STAT1: variants seen among roughly 807,000 people sequenced by gnomAD.
STAT1 encodes the protein signal transducer and activator of transcription 1-alpha/beta.
In STAT1, 24 loss-of-function variants were observed where a neutral mutation model predicts 111.7. That is an observed-to-expected ratio of 0.21 (90% confidence interval 0.16 to 0.30). STAT1 has a LOEUF of 0.30. Among genes scored for constraint, STAT1 ranks in the 10% least tolerant of loss-of-function variants. STAT1 has a pLI of 1.00. For missense variants in STAT1, 351 were observed against 911.9 expected, an observed-to-expected ratio of 0.38 and a Z score of 7.92; for synonymous variants, 332 against 326.5, an observed-to-expected ratio of 1.02 and a Z score of -0.18.
Position 190,974,902 on chromosome 2 carries a change from G to A in STAT1, c.2166C>T (p.Asn722=). The A allele has an allele frequency of 5.6e-6, 9 of 1,614,194 alleles. No individual in the cohort carries two copies. Among genetic ancestry groups the A allele is most frequent in the Non-Finnish European group, 7.6e-6 (9 of 1,180,006 alleles). ...VHPSRLQTTD[N]LLPMSPEEFD... ...ACTCCTCAGGAGACATGGGGAGCAG[G>A]TTGTCTGTGGTCTGAAGTCTAGAAG... The change falls in exon 24 of 25, where the codon AAC becomes AAT. Residue 722 remains asparagine (N), a synonymous_variant. Transcript: ENST00000361099. This position sits in a 1 kb window ranked among gnomAD's most constrained non-coding sequence, Gnocchi z 4.8.
rs1692591203 is a variant in STAT1 at position 190,984,055 on chromosome 2, C to G, written c.1347+255G>C. On this transcript the variant is annotated intron_variant, in intron 16 of 24. Transcript: ENST00000361099. The surrounding 1 kb of genome is among the most constrained non-coding windows in gnomAD (Gnocchi z 5.2). ...AGGGCAGAGCAAAATAAATAAGTCC[C>G]AATGCTTAATGTAAAAAAAAAAAAT... Among the ~76,000 whole-genome samples, 1 of 141,396 alleles carries G rather than the reference C, an allele frequency of 7.1e-6. No individual in the cohort carries two copies. Among genetic ancestry groups the G allele is most frequent in the South Asian group, 2.3e-4 (1 of 4,354 alleles). 92.8% of individuals were successfully genotyped at this position (141,396 alleles called of 152,430 possible). A position where few individuals can be genotyped will look rare whatever the true frequency, so the allele number is the denominator to read the frequency against.
chr2:190,985,704 C>G (rs1461697924), intron 14 of STAT1, 44 bp from the exon 15 acceptor site: 3 of 1,569,592 alleles, frequency 1.9e-6, no homozygotes, highest in Non-Finnish European at 2.6e-6. Context: ...TGGTAATGGT[C>G]AAAGTTGCTA....
rs763072848 is a variant in STAT1, at chr2:190,981,442, C to T, written c.1583-773G>A. Among the ~76,000 whole-genome samples, 1 of 152,226 alleles carries T rather than the reference C, an allele frequency of 6.6e-6. No homozygotes were observed. Among genetic ancestry groups the T allele is most frequent in the Non-Finnish European group, 1.5e-5 (1 of 68,038 alleles). On this transcript the variant is annotated intron_variant, in intron 18 of 24. Coordinates refer to ENST00000361099, the MANE Select transcript of STAT1 (RefSeq NM_007315.4). The surrounding 1 kb of genome is among the most constrained non-coding windows in gnomAD (Gnocchi z 4.1). Reference sequence around the variant, plus strand: ...GGGTTATTAGCTACACAAATTAAAGCAGCCTGGGCGAGAAGAGGCGGTAAG... The same window carrying T: ...GGGTTATTAGCTACACAAATTAAAGTAGCCTGGGCGAGAAGAGGCGGTAAG...
Position 190,980,786 on chromosome 2 carries a change from G to A in STAT1, c.1583-117C>T. ...AAGAGCCAAACACCCAACAAAGATTGTATGTACACAGTTGACATTTTCGGA... is the reference window on the plus strand; with the variant it reads ...AAGAGCCAAACACCCAACAAAGATTATATGTACACAGTTGACATTTTCGGA... On this transcript the variant is annotated intron_variant, in intron 18 of 24. Transcript: ENST00000361099. This position sits in a 1 kb window ranked among gnomAD's most constrained non-coding sequence, Gnocchi z 6.1. 1.0e-6 allele frequency: 1 copy of A among 983,920 alleles called. No individual in the cohort carries two copies. The highest frequency in any genetic ancestry group is 1.6e-6 in the Non-Finnish European group (1 of 622,978). The allele number at this position is 983,920 out of a possible 1,614,324, so 60.9% of individuals were successfully genotyped here. A position where few individuals can be genotyped will look rare whatever the true frequency, so the allele number is the denominator to read the frequency against.
At position 190,984,158 on chromosome 2, in the gene STAT1, T is replaced by C. The variant is rs768915967; in HGVS notation, c.1347+152A>G. ...TTCAATTGTCTAGCTTTCTGGACCA[T>C]AAATTAAGGTTAAGATAGTATTAGC... On this transcript the variant is annotated intron_variant, in intron 16 of 24. Transcript: ENST00000361099. The surrounding 1 kb of genome is among the most constrained non-coding windows in gnomAD (Gnocchi z 5.2). 1.0e-5 allele frequency: 7 copies of C among 692,968 alleles called. No individual in the cohort carries two copies. Among genetic ancestry groups the C allele is most frequent in the African/African-American group, 1.8e-5 (1 of 55,082 alleles). 42.9% of individuals were successfully genotyped at this position (692,968 alleles called of 1,614,324 possible).
intron 15 of STAT1, among the ~76,000 whole-genome samples, chr2:190,985,374 C>G (rs139718116): frequency 1.3e-5 from 2 of 152,244 alleles, no homozygotes; most frequent in Non-Finnish European, 2.9e-5. Context: ...AAGCCCACAA[C>G]AGCTACTCCA....
At position 190,989,725 on chromosome 2, in the gene STAT1, T is replaced by G; in HGVS notation, c.1038-51A>C. On this transcript the variant is annotated intron_variant, in intron 11 of 24. Transcript: ENST00000361099. The surrounding 1 kb of genome is among the most constrained non-coding windows in gnomAD (Gnocchi z 5.0). Reference sequence around the variant, plus strand: ...CTTAAAAAAAATTATCTGTTACAATTTATTTATTATGCCAATTCCCTATTA... The same window carrying G: ...CTTAAAAAAAATTATCTGTTACAATGTATTTATTATGCCAATTCCCTATTA... 1 of 1,310,844 alleles carries G rather than the reference T, an allele frequency of 7.6e-7. No homozygotes were observed. Among genetic ancestry groups the G allele is most frequent in the Non-Finnish European group, 1.1e-6 (1 of 922,736 alleles). 81.2% of individuals were successfully genotyped at this position (1,310,844 alleles called of 1,614,324 possible).
rs915254520 is a variant in STAT1 at position 190,995,954 on chromosome 2, G to C, written c.786-735C>G. On this transcript the variant is annotated intron_variant, in intron 9 of 24. Transcript: ENST00000361099. This position sits in a 1 kb window ranked among gnomAD's most constrained non-coding sequence, Gnocchi z 4.2. ...GCAGGTGCTTCCAGGTGATGCAAGA[G>C]GCAGCAAAGAGCCACTGCAGGTTCT... is the stretch of plus-strand genomic sequence containing the variant. Among the ~76,000 whole-genome samples, 2 of 152,146 alleles carry C rather than the reference G, an allele frequency of 1.3e-5. No individual in the cohort carries two copies. The highest frequency in any genetic ancestry group is 4.8e-5 in the African/African-American group (2 of 41,442).
rs1335829383 is a variant in STAT1 at position 191,009,702 on chromosome 2, CTTTTTGGCTCAACTTTGTTGAGTCAT to C, written c.128+148_128+173del. Among the ~76,000 whole-genome samples, 5 of 152,270 alleles carry C rather than the reference CTTTTTGGCTCAACTTTGTTGAGTCAT, an allele frequency of 3.3e-5. No individual in the cohort carries two copies. The East Asian group carries it at 9.6e-4, about 29-fold the overall frequency. ...TAATATACTTAACTTTGTTGAGACA[CTTTTTGGCTCAACTTTGTTGAGTCAT>C]TTTTTAAATCAACAAACTTTTCTAC... On this transcript the variant is annotated intron_variant, in intron 3 of 24. Transcript: ENST00000361099.
At chr2:190,992,094 T>C (rs1009384625) in intron 10 of STAT1, among the ~76,000 whole-genome samples, 8 of 152,228 alleles carry the variant, frequency 5.3e-5, no homozygotes, top group Non-Finnish European at 1.0e-4. Flanking sequence ...TTACATAGTA[T>C]GCAACAAATT....
intron 10 of STAT1, 133 bp downstream of exon 10, chr2:190,994,928 A>ATG (rs1693721756): frequency 9.0e-6 from 1 of 110,894 alleles, no homozygotes; most frequent in African/African-American, 4.0e-5. Context: ...AAAAAAAAAA[A>ATG]TATATATATA....
chr2:190,994,653 G>A (rs1329602323), intron 10 of STAT1, among the ~76,000 whole-genome samples: 1 of 152,070 alleles, frequency 6.6e-6, no homozygotes, highest in African/African-American at 2.4e-5. Flanking sequence ...AGGCACAGTG[G>A]CTCACGCCTG....
At chr2:190,991,119 G>GA (rs1394279106) in intron 11 of STAT1, 109 bp downstream of exon 11, 2 of 916,778 alleles carry the variant, frequency 2.2e-6, no homozygotes, top group Non-Finnish European at 3.5e-6. Flanking sequence ...AGTGCCCCCT[G>GA]AAAAATTATT....
In STAT1 at chr2:190,970,815, T is replaced by C; in HGVS notation, c.2239-98A>G. 1 of 1,199,862 alleles carries C rather than the reference T, an allele frequency of 8.3e-7. No homozygotes were observed. Among genetic ancestry groups the C allele is most frequent in the Admixed American group, 1.7e-5 (1 of 58,552 alleles). The allele number at this position is 1,199,862 out of a possible 1,614,324, so 74.3% of individuals were successfully genotyped here. A position where few individuals can be genotyped will look rare whatever the true frequency, so the allele number is the denominator to read the frequency against. The stretch of plus-strand genomic sequence containing the variant: ...GCTTGTCTATTCTAGAATGAAGTAG[T>C]AGGAAGATACTTGCAATGGCAAATA... On this transcript the variant is annotated intron_variant, in intron 24 of 24. Coordinates refer to ENST00000361099, the MANE Select transcript of STAT1 (RefSeq NM_007315.4). The surrounding 1 kb of genome is among the most constrained non-coding windows in gnomAD (Gnocchi z 5.4).
chr2:190,999,818 C>T lies in STAT1; in HGVS notation c.463-114G>A. The stretch of plus-strand genomic sequence containing the variant: ...GAAACACGAAAACAATTCCATCTCC[C>T]CCAAAAAGAGATCTGACTTGGACAG... On this transcript the variant is annotated intron_variant, in intron 6 of 24. Transcript: ENST00000361099. This position sits in a 1 kb window ranked among gnomAD's most constrained non-coding sequence, Gnocchi z 4.1. 1.3e-6 allele frequency: 1 copy of T among 743,392 alleles called. No homozygotes were observed. The highest frequency in any genetic ancestry group is 2.7e-5 in the East Asian group (1 of 37,618). The allele number at this position is 743,392 out of a possible 1,614,324, so 46.0% of individuals were successfully genotyped here.
chr2:190,977,423 C>T lies in STAT1; in HGVS notation c.1874-398G>A, dbSNP rs555786192. On this transcript the variant is annotated intron_variant, in intron 21 of 24. Transcript: ENST00000361099. The surrounding 1 kb of genome is among the most constrained non-coding windows in gnomAD (Gnocchi z 4.7). ...CTAGAGATAAACTCACTTTGTTTTT[C>T]TTTTCATATTGAAAAATCTAATTTT... Among the ~76,000 whole-genome samples, 156 of 152,208 alleles carry T rather than the reference C, an allele frequency of 1.0e-3. 7 individuals carry two copies. The South Asian group carries it at 0.031, about 30-fold the overall frequency.
chr2:190,993,186 G>T lies in STAT1; in HGVS notation c.945-1866C>A. 1.9e-6 allele frequency: 1 copy of T among 524,482 alleles called. No homozygotes were observed. The highest frequency in any genetic ancestry group is 3.6e-6 in the Non-Finnish European group (1 of 279,064). 32.5% of individuals were successfully genotyped at this position (524,482 alleles called of 1,614,324 possible). A position where few individuals can be genotyped will look rare whatever the true frequency, so the allele number is the denominator to read the frequency against. On this transcript the variant is annotated intron_variant, in intron 10 of 24. Transcript: ENST00000361099. This position sits in a 1 kb window ranked among gnomAD's most constrained non-coding sequence, Gnocchi z 4.1. ...TAGTCTACTACTTTCTCTGTGGTCA[G>T]ATCACACTTGTTCCCTACCAACAAT... is the stretch of plus-strand genomic sequence containing the variant.
In STAT1 at chr2:190,973,585, A is replaced by G. The variant is rs1288745655; in HGVS notation, c.2238+1245T>C. On this transcript the variant is annotated intron_variant, in intron 24 of 24. Transcript: ENST00000361099. This position sits in a 1 kb window ranked among gnomAD's most constrained non-coding sequence, Gnocchi z 4.4. ...TTTTACAGTTCCTGTGATGTAACAT[A>G]TTTTCTGAATAGGGCTTTATATTTA... 1.3e-5 allele frequency among the ~76,000 whole-genome samples: 2 copies of G among 152,112 alleles called. No individual in the cohort carries two copies. The highest frequency in any genetic ancestry group is 1.9e-4 in the East Asian group (1 of 5,196).
chr2:190,987,762 A>T lies in STAT1; in HGVS notation c.1098-694T>A, dbSNP rs921292472. Among the ~76,000 whole-genome samples, 1 of 152,200 alleles carries T rather than the reference A, an allele frequency of 6.6e-6. No individual in the cohort carries two copies. The highest frequency in any genetic ancestry group is 2.4e-5 in the African/African-American group (1 of 41,462). On this transcript the variant is annotated intron_variant, in intron 12 of 24. Coordinates refer to ENST00000361099, the MANE Select transcript of STAT1 (RefSeq NM_007315.4). The surrounding 1 kb of genome is among the most constrained non-coding windows in gnomAD (Gnocchi z 4.0). Reference sequence around the variant, plus strand: ...GATGTAGACTAGAAATCATGGGCTCACTCACAGATCTATTAGTTCCCCTTC... The same window carrying T: ...GATGTAGACTAGAAATCATGGGCTCTCTCACAGATCTATTAGTTCCCCTTC...
Sources: allele counts gnomAD v4.1 joint callset (sites outside exome capture counted in the v4.1 genomes callset), GRCh38; gene constraint gnomAD v4.1.1; non-coding constraint Gnocchi (gnomAD v3.1); transcripts MANE v1.5; gene names NCBI Gene and HGNC (gene_info 2026-07-23, HGNC 2026-07-21).